CNTN5: variants seen among roughly 807,000 people sequenced by gnomAD.
CNTN5 encodes contactin 5.
In CNTN5, 77 loss-of-function variants were observed where a neutral mutation model predicts 129.1. The ratio of observed to expected loss-of-function variants is 0.60; its 90% CI spans 0.50 to 0.72. CNTN5 has a LOEUF of 0.72. Ranked by LOEUF, CNTN5 falls within the 30% of genes least tolerant of loss-of-function variation. The pLI is 0.00. For missense variants in CNTN5, 1,478 were observed against 1,328.8 expected (o/e 1.11, Z -1.75); for synonymous variants, 509 against 465.6 (o/e 1.09, Z -1.20).
intron 13 of CNTN5, among the ~76,000 whole-genome samples, chr11:100,076,997 C>T (rs1248998552): frequency 6.6e-6 from 1 of 152,042 alleles, no homozygotes; most frequent in African/African-American, 2.4e-5. Context: ...TAAGAAGACA[C>T]ATAGTTGAAA....
At chr11:99,184,625 G>T (rs958523522) in intron 1 of CNTN5, among the ~76,000 whole-genome samples, 2 of 152,018 alleles carry the variant, frequency 1.3e-5, no homozygotes, top group Non-Finnish European at 2.9e-5. Flanking sequence ...TACTTAATAA[G>T]TGTCATATCA....
chr11:99,905,592 CT>C (rs878897618), intron 6 of CNTN5, among the ~76,000 whole-genome samples: 1 of 152,040 alleles, frequency 6.6e-6, no homozygotes, highest in South Asian at 2.1e-4. Context: ...CAGCTTTGTT[CT>C]TTTTTCTTAG....
chr11:99,868,751 G>C (rs1255648769), intron 6 of CNTN5, among the ~76,000 whole-genome samples: 1 of 152,180 alleles, frequency 6.6e-6, no homozygotes, highest in Non-Finnish European at 1.5e-5. Context: ...GTGCTGGGAA[G>C]TCAGGGAGAT....
At chr11:99,190,261 T>A (rs946940633) in intron 1 of CNTN5, among the ~76,000 whole-genome samples, 1 of 151,748 alleles carries the variant, frequency 6.6e-6, no homozygotes, top group Non-Finnish European at 1.5e-5. Context: ...ATGATTGTGT[T>A]TATATGGCAG....
chr11:99,810,679 G>T (rs1409899809), intron 3 of CNTN5, among the ~76,000 whole-genome samples: 1 of 152,110 alleles, frequency 6.6e-6, no homozygotes, highest in East Asian at 1.9e-4. Context: ...CCACACGACT[G>T]GCTTTGCTGA....
chr11:99,044,148 T>C (rs1384645478), intron 1 of CNTN5, among the ~76,000 whole-genome samples: 14 of 152,174 alleles, frequency 9.2e-5, no homozygotes, highest in Non-Finnish European at 1.8e-4. Flanking sequence ...TAAAAGATTA[T>C]TACATGCATG....
chr11:99,408,376 A>G (rs1481711062), intron 2 of CNTN5, among the ~76,000 whole-genome samples: 2 of 143,264 alleles, frequency 1.4e-5, no homozygotes, highest in African/African-American at 2.8e-5. Flanking sequence ...CCAAAAAAAA[A>G]AAAAAAAGAA....
rs769058825 is a variant in CNTN5, at chr11:100,356,105, C to CT, written c.3200-6dup. 8.1e-5 allele frequency: 128 copies of CT among 1,589,204 alleles called. No individual in the cohort carries two copies. The highest frequency in any genetic ancestry group is 9.6e-5 in the Non-Finnish European group (111 of 1,161,708). On this transcript the variant is annotated splice_polypyrimidine_tract_variant and intron_variant, in intron 24 of 24. Coordinates refer to ENST00000524871, the MANE Select transcript of CNTN5 (RefSeq NM_014361.4). Reference sequence around the variant, plus strand: ...AGATAATTTGCTCCATTTGATGCTTCTTTTTTCACAGGTGGAAAAATCACA... The same window carrying CT: ...AGATAATTTGCTCCATTTGATGCTTCTTTTTTTCACAGGTGGAAAAATCACA...
At chr11:99,532,951 G>A (rs1462044661) in intron 2 of CNTN5, among the ~76,000 whole-genome samples, 1 of 152,212 alleles carries the variant, frequency 6.6e-6, no homozygotes, top group Non-Finnish European at 1.5e-5. Context: ...GGCTGGGCAC[G>A]GTGGCTCATG....
At chr11:99,876,343 A>G (rs1393696225) in intron 6 of CNTN5, among the ~76,000 whole-genome samples, 1 of 152,092 alleles carries the variant, frequency 6.6e-6, no homozygotes, top group Non-Finnish European at 1.5e-5. Context: ...TTGTACTGAT[A>G]TATGCCCCTG....
At chr11:99,058,940 A>G (rs973540578) in intron 1 of CNTN5, among the ~76,000 whole-genome samples, 1 of 148,650 alleles carries the variant, frequency 6.7e-6, no homozygotes, top group African/African-American at 2.4e-5. Context: ...ATTTATAATT[A>G]TACATTATAT....
intron 3 of CNTN5, among the ~76,000 whole-genome samples, chr11:99,781,030 G>C (rs1320154496): frequency 1.3e-5 from 2 of 152,010 alleles, no homozygotes; most frequent in African/African-American, 4.8e-5. Context: ...GATGCTAATT[G>C]ATCATGTTGT....
chr11:100,088,757 C>T (rs1424660412), intron 13 of CNTN5, among the ~76,000 whole-genome samples: 4 of 151,856 alleles, frequency 2.6e-5, no homozygotes, highest in African/African-American at 9.7e-5. Flanking sequence ...ACCTACCAAC[C>T]AAAAAACACT....
intron 3 of CNTN5, among the ~76,000 whole-genome samples, chr11:99,635,545 C>T (rs1433130455): frequency 6.6e-6 from 1 of 151,988 alleles, no homozygotes; most frequent in Non-Finnish European, 1.5e-5. Context: ...TTTCTGCTTG[C>T]CAATTCCTGA....
chr11:99,647,315 G>T (rs1219024617), intron 3 of CNTN5, among the ~76,000 whole-genome samples: 1 of 152,162 alleles, frequency 6.6e-6, no homozygotes, highest in African/African-American at 2.4e-5. Flanking sequence ...CCCCGTGAAA[G>T]TTCTTGGCAC....
intron 13 of CNTN5, among the ~76,000 whole-genome samples, chr11:100,092,477 A>G (rs1448923440): frequency 6.6e-6 from 1 of 152,132 alleles, no homozygotes; most frequent in Admixed American, 6.6e-5. Context: ...CCAGACTTTT[A>G]AGCACCATCC....
intron 17 of CNTN5, among the ~76,000 whole-genome samples, chr11:100,259,531 C>T (rs111980043): frequency 0.02 from 3,027 of 152,172 alleles, 52 homozygotes; most frequent in Admixed American, 0.044. Context: ...CTAAAACTGA[C>T]CACATAATTG....
At chr11:99,150,606 G>A (rs778591334) in intron 1 of CNTN5, among the ~76,000 whole-genome samples, 15 of 151,862 alleles carry the variant, frequency 9.9e-5, no homozygotes, top group Non-Finnish European at 1.9e-4. Context: ...GAAGAATGGT[G>A]TAATAAGGTG....
chr11:99,361,618 G>T (rs544126092), intron 2 of CNTN5, among the ~76,000 whole-genome samples: 2 of 152,026 alleles, frequency 1.3e-5, no homozygotes, highest in South Asian at 4.2e-4. Context: ...AACAGAAACC[G>T]TGTCCATTAA....
Sources: allele counts gnomAD v4.1 joint callset (sites outside exome capture counted in the v4.1 genomes callset), GRCh38; gene constraint gnomAD v4.1.1; transcripts MANE v1.5; gene names NCBI Gene and HGNC (gene_info 2026-07-23, HGNC 2026-07-21).